The following DNAH11 variants were observed in gnomAD, a reference collection of about 807,000 sequenced individuals.
DNAH11 encodes axonemal beta dynein heavy chain 11.
Under a neutral mutation model 526.0 loss-of-function variants are expected in DNAH11, and 442 were observed. That is an observed-to-expected ratio of 0.84 (90% CI 0.78 to 0.91). The LOEUF (loss-of-function observed/expected upper bound fraction) is 0.91, where lower values mean the gene tolerates loss of function less well. DNAH11 is among the 40% of genes least tolerant of loss of function. The pLI, the probability that DNAH11 is intolerant of heterozygous loss-of-function variation, is 0.00. For synonymous variants in DNAH11, 2,461 were observed against 1,935.9 expected, an observed-to-expected ratio of 1.27 and a Z score of -7.12; for missense variants, 6,989 against 5,448.7, an observed-to-expected ratio of 1.28 and a Z score of -8.90.
Position 21,615,217 on chromosome 7 carries a change from G to A in DNAH11, c.3956G>A (p.Cys1319Tyr), listed in dbSNP as rs780186355. The stretch of plus-strand genomic sequence containing the variant: ...CCAGAGTACAAACAAATGAAACAGT[G>A]TCGCAAAGAAATAAAATTGCTCAAG... ...ALPEYKQMKQ[C>Y]RKEIKLLKGL... Residue 1319 changes from cysteine to tyrosine, a missense_variant, in exon 21 of 82, where the codon TGT becomes TAT. Cys to Tyr is a radical substitution (Grantham distance 194). Transcript: ENST00000409508. 1.2e-6 allele frequency: 2 copies of A among 1,613,480 alleles called. No homozygotes were observed. Among genetic ancestry groups the A allele is most frequent in the Non-Finnish European group, 1.7e-6 (2 of 1,179,612 alleles).
At position 21,901,076 on chromosome 7, in the gene DNAH11, C is replaced by T. The variant is rs72658835; in HGVS notation, c.13373C>T (p.Pro4458Leu). The change falls in exon 82 of 82, where the codon CCG becomes CTG. Residue 4458 changes from proline (P) to leucine (L), a missense_variant. Pro to Leu is a moderately conservative substitution (Grantham distance 98). Transcript: ENST00000409508. The part of the protein sequence containing the change: ...ARLKELACPM[P>L]VIFAKATPVD... ...CTCAAGGAGCTGGCATGCCCTATGC[C>T]GGTCATCTTTGCAAAAGCCACCCCC... 8.5e-5 allele frequency: 137 copies of T among 1,613,678 alleles called. No homozygotes were observed. Among genetic ancestry groups the T allele is most frequent in the South Asian group, 2.6e-4 (24 of 91,062 alleles).
chr7:21,752,767 C>A (rs1300218665), intron 54 of DNAH11, among the ~76,000 whole-genome samples: 2 of 152,150 alleles, frequency 1.3e-5, no homozygotes, highest in Non-Finnish European at 2.9e-5. Flanking sequence ...GGCTGGAATG[C>A]AATGGCATGA....
chr7:21,864,594 A>G lies in DNAH11; in HGVS notation c.11433A>G (p.Thr3811=), dbSNP rs1484701398. The change falls in exon 70 of 82, where the codon ACA becomes ACG. Residue 3811 remains threonine (T), a synonymous_variant. Transcript: ENST00000409508. ...AATTGGATTTCCTGCTTCGATTCAC[A>G]GTTGAACACACTCATCTGAGTCCCG... The part of the protein sequence containing the change: ...PLELDFLLRF[T]VEHTHLSPVD... 1.2e-6 allele frequency: 2 copies of G among 1,611,700 alleles called. No individual in the cohort carries two copies. Among genetic ancestry groups the G allele is most frequent in the Non-Finnish European group, 8.5e-7 (1 of 1,178,774 alleles).
Position 21,892,673 on chromosome 7 carries a change from G to A in DNAH11, c.12750+6G>A, listed in dbSNP as rs781697241. The A allele has an allele frequency of 3.0e-5, 47 of 1,580,286 alleles. No individual in the cohort carries two copies. In the Admixed American group the frequency reaches 7.6e-4, roughly 26 times the overall value. Reference sequence around the variant, plus strand: ...GGCAGTCTACAGAAGAAAAGGTAGAGGGTCTTTCCTTCCTTTTCTTTTTCA... The same window carrying A: ...GGCAGTCTACAGAAGAAAAGGTAGAAGGTCTTTCCTTCCTTTTCTTTTTCA... On this transcript the variant is annotated splice_donor_region_variant and intron_variant, in intron 77 of 81. Transcript: ENST00000409508.
In DNAH11 at chr7:21,658,883, A is replaced by G. The variant is rs1487756284; in HGVS notation, c.5180A>G (p.Glu1727Gly). 1.2e-6 allele frequency: 2 copies of G among 1,609,324 alleles called. No homozygotes were observed. The highest frequency in any genetic ancestry group is 1.7e-6 in the Non-Finnish European group (2 of 1,177,930). The change falls in exon 30 of 82, where the codon GAA (glutamate) becomes GGA (glycine). Residue 1727 changes from glutamate (E) to glycine (G), a missense_variant. Transcript: ENST00000409508. The part of the protein sequence containing the change: ...SITEAIVAYE[E>G]KPRELWIFDF... ...ACAGAAGCCATAGTGGCCTACGAGG[A>G]AAAACCTAGGGAACTGTGGATTTTT...
At position 21,745,069 on chromosome 7, in the gene DNAH11, T is replaced by G. The variant is rs1786083798; in HGVS notation, c.8510+6T>G. 1.2e-6 allele frequency: 2 copies of G among 1,600,576 alleles called. No homozygotes were observed. Among genetic ancestry groups the G allele is most frequent in the Admixed American group, 3.4e-5 (2 of 58,056 alleles). On this transcript the variant is annotated splice_donor_region_variant and intron_variant, in intron 51 of 81. Transcript: ENST00000409508. ...GAAGATGCCATGCAACATGTGTGAG[T>G]TAACTAGTCACGATGCTTTTCCACA...
intron 70 of DNAH11, among the ~76,000 whole-genome samples, chr7:21,865,743 C>G (rs1201063167): frequency 2.0e-5 from 3 of 152,088 alleles, no homozygotes; most frequent in African/African-American, 7.2e-5. Flanking sequence ...GTCTGTAAAG[C>G]GAAAGCAAGT....
At chr7:21,574,585 A>C (rs1482470569) in intron 8 of DNAH11, among the ~76,000 whole-genome samples, 1 of 119,460 alleles carries the variant, frequency 8.4e-6, no homozygotes. Context: ...TTTTTTTAAG[A>C]CAGAGTCTCA....
At chr7:21,850,354 CAAAA>C (rs34141787) in intron 66 of DNAH11, among the ~76,000 whole-genome samples, 6 of 122,358 alleles carry the variant, frequency 4.9e-5, no homozygotes, top group African/African-American at 1.7e-4. Flanking sequence ...GACTCTGTCT[CAAAA>C]AAAAAAAAAA....
intron 21 of DNAH11, among the ~76,000 whole-genome samples, chr7:21,615,676 A>G (rs187870978): frequency 3.4e-4 from 51 of 152,224 alleles, no homozygotes; most frequent in Middle Eastern, 3.4e-3. Context: ...AATAATTTGT[A>G]TGTGGTTAAT....
chr7:21,737,380 CT>C (rs1212415146), intron 46 of DNAH11, among the ~76,000 whole-genome samples: 1 of 152,120 alleles, frequency 6.6e-6, no homozygotes, highest in Non-Finnish European at 1.5e-5. Flanking sequence ...AGTTTTAAAA[CT>C]GGGACAATCC....
intron 28 of DNAH11, among the ~76,000 whole-genome samples, chr7:21,650,627 T>A (rs2128463625): frequency 6.6e-6 from 1 of 150,848 alleles, no homozygotes; most frequent in South Asian, 2.1e-4. Flanking sequence ...GTTATTTAAT[T>A]TTATTATTTT....
intron 65 of DNAH11, among the ~76,000 whole-genome samples, chr7:21,826,624 T>C (rs1321956967): frequency 6.6e-6 from 1 of 152,086 alleles, no homozygotes; most frequent in African/African-American, 2.4e-5. Context: ...TGTGACTATC[T>C]CTGTGTAACC....
Position 21,687,148 on chromosome 7 carries a change from C to T in DNAH11, c.5671C>T (p.Pro1891Ser), listed in dbSNP as rs201704416. Residue 1891 changes from proline (P) to serine (S), a missense_variant, in exon 33 of 82, where the codon CCT becomes TCT. Physicochemically the swap from Pro to Ser is moderately conservative, Grantham distance 74 (BLOSUM62 -1). Transcript: ENST00000409508. ...ACTTCATCTAACCATGAGTGGGGCT[C>T]CTGCTGGCCCAGCTGGTACCGGGAA... ...QSLHLTMSGA[P>S]AGPAGTGKTE... The T allele has an allele frequency of 2.9e-4, 471 of 1,613,404 alleles. 7 individuals are homozygous for T. Among genetic ancestry groups the T allele is most frequent in the Middle Eastern group, 3.3e-4 (2 of 6,062 alleles).
chr7:21,576,163 A>G (rs539074251), intron 8 of DNAH11, among the ~76,000 whole-genome samples: 2 of 152,176 alleles, frequency 1.3e-5, no homozygotes, highest in African/African-American at 2.4e-5. Context: ...AGGCTCCACC[A>G]TGGTATTATC....
chr7:21,755,117 G>A (rs990856935), intron 54 of DNAH11, among the ~76,000 whole-genome samples: 3 of 152,118 alleles, frequency 2.0e-5, no homozygotes, highest in Non-Finnish European at 4.4e-5. Flanking sequence ...CATGCTCACC[G>A]CCCAAAGTCA....
rs17144740 is a variant in DNAH11 at position 21,594,273 on chromosome 7, G to A, written c.2667+2696G>A. 6.4e-3 allele frequency among the ~76,000 whole-genome samples: 978 copies of A among 152,158 alleles called. 40 individuals are homozygous for A. The East Asian group carries it at 0.11, about 18-fold the overall frequency. ...GAAATAGATTACGGTTTTCCTGCTG[G>A]GAATTGTATGCAACCCATTATGTAT... On this transcript the variant is annotated intron_variant, in intron 14 of 81. Transcript: ENST00000409508.
intron 8 of DNAH11, 44 bp from the exon 9 acceptor site, chr7:21,581,861 T>C (rs1447256512): frequency 7.9e-7 from 1 of 1,261,998 alleles, no homozygotes; most frequent in Non-Finnish European, 1.2e-6. Context: ...TTTTCGCTGT[T>C]GGATTATTTC....
At chr7:21,597,194 G>A (rs1380067211) in intron 14 of DNAH11, among the ~76,000 whole-genome samples, 4 of 152,052 alleles carry the variant, frequency 2.6e-5, no homozygotes, top group East Asian at 1.9e-4. Context: ...CCCTTTATCC[G>A]AATGTGCTGA....
Sources: gnomAD v4.1 joint callset for allele counts (sites outside exome capture counted in the v4.1 genomes callset) on GRCh38, gnomAD v4.1.1 for gene constraint, MANE v1.5 for transcripts, NCBI Gene and HGNC (gene_info 2026-07-23, HGNC 2026-07-21) for gene names.